The following RFX7 variants were observed in gnomAD, a reference collection of about 807,000 sequenced individuals.
RFX7 encodes regulatory factor X7, also known as DNA-binding protein RFX7.
A neutral mutation model predicts 111.8 loss-of-function variants in RFX7; 26 were observed. That is an observed-to-expected ratio of 0.23 (90% CI 0.17 to 0.32). The LOEUF (loss-of-function observed/expected upper bound fraction) is 0.32. RFX7 is among the 10% of genes least tolerant of loss of function. The pLI, the probability that RFX7 is intolerant of heterozygous loss-of-function variation, is 1.00. For synonymous variants in RFX7, 624 were observed against 624.4 expected (o/e 1.00, Z 0.01); for missense variants, 1,573 against 1,772.9 (o/e 0.89, Z 2.02).
intron 5 of RFX7, among the ~76,000 whole-genome samples, chr15:56,133,872 C>G (rs1567020927): frequency 6.6e-6 from 1 of 152,082 alleles, no homozygotes. Context: ...TGCTGTAATT[C>G]TATGGAAACA....
chr15:56,123,272 C>T (rs2042101038), intron 5 of RFX7, among the ~76,000 whole-genome samples: 1 of 152,148 alleles, frequency 6.6e-6, no homozygotes, highest in Non-Finnish European at 1.5e-5. Context: ...GCTCTTTAGT[C>T]AGCAAGTGAT....
intron 3 of RFX7, among the ~76,000 whole-genome samples, chr15:56,169,500 C>T (rs2042818787): frequency 6.6e-6 from 1 of 152,128 alleles, no homozygotes; most frequent in African/African-American, 2.4e-5. Flanking sequence ...ATGTGCTATG[C>T]ACTTTATTTA....
intron 2 of RFX7, among the ~76,000 whole-genome samples, chr15:56,204,876 T>G (rs191468488): frequency 6.6e-6 from 1 of 152,246 alleles, no homozygotes; most frequent in Admixed American, 6.5e-5. Context: ...CAATAATCTG[T>G]GAACCTCAAA....
chr15:56,213,404 G>A (rs542528948), intron 2 of RFX7, among the ~76,000 whole-genome samples: 3 of 152,294 alleles, frequency 2.0e-5, no homozygotes, highest in Admixed American at 2.0e-4. Context: ...TGAACACCCA[G>A]TGAATTATGC....
chr15:56,094,197 A>G lies in RFX7; in HGVS notation c.3531T>C (p.Leu1177=). ...VSPAVHRQRN[L]SGSTLYPVSN... Reference sequence around the variant, plus strand: ...ATACTGGATAGAGGGTGCTTCCACTAAGATTACGTTGGCGATGAACAGCAG... The same window carrying G: ...ATACTGGATAGAGGGTGCTTCCACTGAGATTACGTTGGCGATGAACAGCAG... The change falls in exon 10 of 10, where the codon CTT becomes CTC. Residue 1177 remains leucine, a synonymous_variant. Transcript: ENST00000559447. 3.7e-6 allele frequency: 6 copies of G among 1,613,962 alleles called. No homozygotes were observed. Among genetic ancestry groups the G allele is most frequent in the Non-Finnish European group, 5.1e-6 (6 of 1,179,856 alleles).
Position 56,095,136 on chromosome 15 carries a change from A to T in RFX7, c.2592T>A (p.Phe864Leu). 1 of 1,613,928 alleles carries T rather than the reference A, an allele frequency of 6.2e-7. No individual in the cohort carries two copies. Among genetic ancestry groups the T allele is most frequent in the Non-Finnish European group, 8.5e-7 (1 of 1,179,802 alleles). Reference sequence around the variant, plus strand: ...CATTTGTCTGGGAAACAGAAGGCTCAAACTCCTTCAGTTCAGATTGCAGAG... The same window carrying T: ...CATTTGTCTGGGAAACAGAAGGCTCTAACTCCTTCAGTTCAGATTGCAGAG... ...QLPLQSELKE[F>L]EPSVSQTNES... Residue 864 changes from phenylalanine (F) to leucine (L), a missense_variant, in exon 10 of 10, where the codon TTT (phenylalanine) becomes TTA (leucine). Transcript: ENST00000559447.
intron 2 of RFX7, among the ~76,000 whole-genome samples, chr15:56,207,789 G>A (rs1259706976): frequency 2.6e-5 from 4 of 151,998 alleles, no homozygotes; most frequent in East Asian, 1.9e-4. Flanking sequence ...ATAAAAAGCC[G>A]AAAAAAACTG....
chr15:56,102,359 C>T, intron 6 of RFX7, 106 bp from the exon 7 acceptor site: 1 of 591,432 alleles, frequency 1.7e-6, no homozygotes, highest in South Asian at 2.8e-5. Flanking sequence ...ATCAACATGA[C>T]ATAACATCTA....
chr15:56,243,787 G>A lies in RFX7; in HGVS notation c.-345C>T, dbSNP rs528884295. Among the ~76,000 whole-genome samples, 126 of 147,076 alleles carry A rather than the reference G, an allele frequency of 8.6e-4. No homozygotes were observed. The highest frequency in any genetic ancestry group is 2.9e-3 in the African/African-American group (118 of 40,836). ...GGCACCGCTCCACGCCACTCCCCAC[G>A]CCGCCGCCGCCGCCGCCGCTCGCTC... On this transcript the variant is annotated 5_prime_UTR_variant, in exon 1 of 10. Transcript: ENST00000559447.
chr15:56,179,761 A>AACACACACACACACACAC (rs58597217), intron 2 of RFX7, among the ~76,000 whole-genome samples: 4 of 137,404 alleles, frequency 2.9e-5, no homozygotes, highest in African/African-American at 5.5e-5. Context: ...TCTCTGTCTC[A>AACACACACACACACACAC]ACACACACAC....
intron 5 of RFX7, among the ~76,000 whole-genome samples, chr15:56,140,177 A>C (rs1300728447): frequency 6.6e-6 from 1 of 152,182 alleles, no homozygotes; most frequent in Non-Finnish European, 1.5e-5. Flanking sequence ...TTGTTTACCT[A>C]ATCAAGCCTG....
intron 2 of RFX7, among the ~76,000 whole-genome samples, chr15:56,216,343 T>A (rs542609795): frequency 5.8e-4 from 88 of 152,304 alleles, no homozygotes; most frequent in African/African-American, 2.0e-3. Context: ...GCAATTAAGT[T>A]TTCTAATACT....
At chr15:56,140,051 G>T (rs1272789003) in intron 5 of RFX7, among the ~76,000 whole-genome samples, 2 of 151,908 alleles carry the variant, frequency 1.3e-5, no homozygotes, top group East Asian at 1.9e-4. Context: ...AGTCTGCAGA[G>T]GTTACTGCTG....
chr15:56,098,340 G>C lies in RFX7; in HGVS notation c.848C>G (p.Pro283Arg). ...CTGAAAGGAATTACTTTCAGCTGTA[G>C]GTATAAAAGCAGAAGGCTGGGTAAT... ...KGITQPSAFI[P>R]TAESNSFQPQ... is the part of the protein sequence containing the mutation. The change falls in exon 9 of 10, where the codon CCT becomes CGT. Residue 283 changes from proline to arginine, a missense_variant. Pro to Arg is a moderately radical substitution (Grantham distance 103). This residue lies in a region of RFX7 where 288 missense variants were observed against 337.9 expected (regional missense o/e 0.85). Transcript: ENST00000559447. 6.2e-7 allele frequency: 1 copy of C among 1,609,698 alleles called. No homozygotes were observed. The highest frequency in any genetic ancestry group is 8.5e-7 in the Non-Finnish European group (1 of 1,177,552).
intron 2 of RFX7, among the ~76,000 whole-genome samples, chr15:56,197,759 T>C (rs1472161400): frequency 2.0e-5 from 3 of 152,118 alleles, no homozygotes; most frequent in African/African-American, 7.2e-5. Context: ...ACAAACTATA[T>C]ATTTGAACCA....
At chr15:56,139,583 A>C in intron 5 of RFX7, among the ~76,000 whole-genome samples, 1 of 151,654 alleles carries the variant, frequency 6.6e-6, no homozygotes, top group Non-Finnish European at 1.5e-5. Flanking sequence ...AGCTCAGAGT[A>C]ATTTGATCGT....
At chr15:56,103,507 A>T in intron 6 of RFX7, 47 bp downstream of exon 6, 1 of 1,191,368 alleles carries the variant, frequency 8.4e-7, no homozygotes, top group Admixed American at 2.3e-5. Flanking sequence ...GTTCTATAAC[A>T]AGTGAGAACA....
intron 5 of RFX7, among the ~76,000 whole-genome samples, chr15:56,142,460 T>A (rs1246162826): frequency 6.6e-6 from 1 of 152,186 alleles, no homozygotes. Flanking sequence ...TAACCCCAGA[T>A]ACACACTCCT....
chr15:56,205,766 TG>T (rs1235863691), intron 2 of RFX7, among the ~76,000 whole-genome samples: 2 of 152,174 alleles, frequency 1.3e-5, no homozygotes, highest in African/African-American at 4.8e-5. Flanking sequence ...CACTCAAATA[TG>T]CTCAAGTGAG....
Sources: gnomAD v4.1 joint callset for allele counts (sites outside exome capture counted in the v4.1 genomes callset) on GRCh38, gnomAD v4.1.1 for gene constraint, gnomAD v4.1.1 regional missense constraint, MANE v1.5 for transcripts, NCBI Gene and HGNC (gene_info 2026-07-23, HGNC 2026-07-21) for gene names.